Variants in DAPK2 observed in about 807,000 individuals in gnomAD.
The protein encoded by DAPK2 is death associated protein kinase 2, also known as death-associated protein kinase 2.
In DAPK2, 35 loss-of-function variants were observed where a neutral mutation model predicts 44.1. The observed-to-expected ratio is 0.79, with a 90% CI of 0.61 to 1.05. The LOEUF (loss-of-function observed/expected upper bound fraction) is 1.05, where lower values mean the gene tolerates loss of function less well. Among genes scored for constraint, DAPK2 ranks in the 50% least tolerant of loss-of-function variants. DAPK2 has a pLI of 0.00. For missense variants in DAPK2, 453 were observed against 483.2 expected, an observed-to-expected ratio of 0.94 and a Z score of 0.59; for synonymous variants, 174 against 182.6, an observed-to-expected ratio of 0.95 and a Z score of 0.38.
intron 6 of DAPK2, among the ~76,000 whole-genome samples, chr15:63,928,831 G>C (rs1447662286): frequency 6.6e-6 from 1 of 152,154 alleles, no homozygotes; most frequent in Non-Finnish European, 1.5e-5. Context: ...GAAGAAAAGG[G>C]GATCTGGGGA....
intron 1 of DAPK2, among the ~76,000 whole-genome samples, chr15:64,002,967 GTGGGACC>G: frequency 1.0e-4 from 5 of 48,972 alleles, no homozygotes; most frequent in South Asian, 1.6e-3. Context: ...TGTGTGTGTC[GTGGGACC>G]TGTGTGTGTG....
intron 1 of DAPK2, among the ~76,000 whole-genome samples, chr15:64,018,965 C>T (rs909034146): frequency 6.6e-6 from 1 of 152,152 alleles, no homozygotes; most frequent in Admixed American, 6.5e-5. Flanking sequence ...TTTCCTCCTC[C>T]CTAAAAGGTG....
At chr15:64,009,395 C>T (rs1464785721) in intron 1 of DAPK2, among the ~76,000 whole-genome samples, 1 of 152,156 alleles carries the variant, frequency 6.6e-6, no homozygotes, top group Non-Finnish European at 1.5e-5. Context: ...CAGACATCAT[C>T]ATGTTCTCTG....
chr15:63,979,658 A>G (rs1215254881), intron 2 of DAPK2, among the ~76,000 whole-genome samples: 1 of 152,182 alleles, frequency 6.6e-6, no homozygotes, highest in Admixed American at 6.5e-5. Flanking sequence ...CATGCCTGTA[A>G]TCCTAGCACT....
chr15:63,926,210 C>T, intron 6 of DAPK2, 117 bp from the exon 8 acceptor site: 1 of 1,176,808 alleles, frequency 8.5e-7, no homozygotes, highest in Non-Finnish European at 1.2e-6. Flanking sequence ...CTCCCAGCAA[C>T]ACAGCCTGCC....
intron 2 of DAPK2, among the ~76,000 whole-genome samples, chr15:63,982,187 C>CT (rs5813271): frequency 0.71 from 76,824 of 107,890 alleles, 29,223 homozygotes; most frequent in Non-Finnish European, 0.81. Flanking sequence ...TCAGAATATT[C>CT]TTTTTTTTTT....
chr15:63,971,935 T>C (rs935759989), intron 2 of DAPK2, among the ~76,000 whole-genome samples: 2 of 152,242 alleles, frequency 1.3e-5, no homozygotes, highest in East Asian at 3.8e-4. Flanking sequence ...TCCAAGTTCA[T>C]ATTTTGAAAT....
chr15:63,983,644 C>G (rs117564318), exon 2 of DAPK2: 4 of 1,614,080 alleles, frequency 2.5e-6, no homozygotes, highest in African/African-American at 2.7e-5. Flanking sequence ...GATCTCCTCC[C>G]GGCTCACACC....
chr15:63,922,940 T>C, intron 8 of DAPK2: 2 of 1,535,916 alleles, frequency 1.3e-6, no homozygotes, highest in Non-Finnish European at 1.7e-6. Flanking sequence ...TTGCAGATGG[T>C]CCAGTTTCCT....
chr15:63,918,187 G>A (rs187248506), intron 8 of DAPK2: 45 of 152,502 alleles, frequency 3.0e-4, no homozygotes, highest in African/African-American at 1.1e-3. Flanking sequence ...GGCCACCTGT[G>A]CTGCGTGATG....
intron 2 of DAPK2, among the ~76,000 whole-genome samples, chr15:63,981,641 T>C (rs1261390549): frequency 6.6e-6 from 1 of 150,428 alleles, no homozygotes; most frequent in Non-Finnish European, 1.5e-5. Flanking sequence ...TAATTTCTTG[T>C]CCATTCCTGC....
intron 3 of DAPK2, among the ~76,000 whole-genome samples, chr15:63,947,949 G>C (rs1311733608): frequency 6.6e-6 from 1 of 151,992 alleles, no homozygotes; most frequent in Non-Finnish European, 1.5e-5. Flanking sequence ...TTCCCCACTT[G>C]TATTAGTCCA....
intron 8 of DAPK2, among the ~76,000 whole-genome samples, chr15:63,915,147 A>T (rs1168554043): frequency 6.6e-6 from 1 of 152,156 alleles, no homozygotes; most frequent in Non-Finnish European, 1.5e-5. Context: ...TAGTTGTCAC[A>T]CTGTATTATT....
chr15:63,996,671 C>T (rs909827187), intron 1 of DAPK2, among the ~76,000 whole-genome samples: 7 of 152,222 alleles, frequency 4.6e-5, no homozygotes, highest in African/African-American at 1.4e-4. Context: ...CTCCAGGACA[C>T]GAGCATGGAG....
chr15:63,953,012 G>C (rs528245263), intron 3 of DAPK2, among the ~76,000 whole-genome samples: 3 of 151,844 alleles, frequency 2.0e-5, no homozygotes, highest in Non-Finnish European at 2.9e-5. Context: ...ATGGGCTTTG[G>C]GGGAACAGGT....
intron 1 of DAPK2, among the ~76,000 whole-genome samples, chr15:64,045,543 C>A (rs2080442889): frequency 6.6e-6 from 1 of 152,230 alleles, no homozygotes; most frequent in South Asian, 2.1e-4. Context: ...CCCTCTCCTC[C>A]AGTGTGCACC....
chr15:63,930,320 G>A, intron 5 of DAPK2, 87 bp downstream of exon 6: 2 of 1,297,556 alleles, frequency 1.5e-6, no homozygotes, highest in Admixed American at 1.7e-5. Context: ...GGCTTTCATG[G>A]TTAAGCGGAT....
chr15:64,027,564 AAAAAG>A (rs905418500), intron 1 of DAPK2, among the ~76,000 whole-genome samples: 1 of 152,178 alleles, frequency 6.6e-6, no homozygotes, highest in Non-Finnish European at 1.5e-5. Flanking sequence ...CCTGTCTCAA[AAAAAG>A]AAAAGAAAAG....
At chr15:63,915,199 C>A (rs934544318) in intron 8 of DAPK2, among the ~76,000 whole-genome samples, 1 of 152,052 alleles carries the variant, frequency 6.6e-6, no homozygotes, top group African/African-American at 2.4e-5. Flanking sequence ...TTACTTTTTG[C>A]GTATTTCTGA....
Sources: gnomAD v4.1 joint callset for allele counts (sites outside exome capture counted in the v4.1 genomes callset) on GRCh38, gnomAD v4.1.1 for gene constraint, MANE v1.5 for transcripts, NCBI Gene and HGNC (gene_info 2026-07-23, HGNC 2026-07-21) for gene names.